OR5K1: variants seen among roughly 807,000 people sequenced by gnomAD.
OR5K1 encodes olfactory receptor family 5 subfamily K member 1, also known as olfactory receptor 5K1.
In OR5K1, 7 loss-of-function variants were observed where a neutral mutation model predicts 10.4. That is an observed-to-expected ratio of 0.67 (90% CI 0.38 to 1.26). The LOEUF is 1.26. OR5K1 is among the 50% of genes most tolerant of loss of function. The probability of loss-of-function intolerance (pLI) is 0.02; values close to 1 mark genes in which losing one functional copy is unlikely to be tolerated. For synonymous variants in OR5K1, 135 were observed against 128.5 expected, an observed-to-expected ratio of 1.05 and a Z score of -0.34; for missense variants, 435 against 366.2, an observed-to-expected ratio of 1.19 and a Z score of -1.53.
At chr3:98,466,074 G>A (rs1434978798) in intron 1 of OR5K1, among the ~76,000 whole-genome samples, 1 of 151,538 alleles carries the variant, frequency 6.6e-6, no homozygotes, top group Non-Finnish European at 1.5e-5. Flanking sequence ...ACAGTCCCCA[G>A]AGTGTGATAT....
intron 1 of OR5K1, among the ~76,000 whole-genome samples, chr3:98,465,844 G>A (rs564916317): frequency 1.3e-5 from 2 of 150,920 alleles, no homozygotes; most frequent in South Asian, 4.2e-4. Context: ...TTTGTTTGAT[G>A]CTTAATTTTT....
rs769111802 is a variant in OR5K1 at position 98,469,676 on chromosome 3, A to G, written c.100A>G (p.Ile34Val). The change falls in exon 2 of 2, where the codon ATC becomes GTC. Residue 34 changes from isoleucine to valine, a missense_variant. Ile to Val is a conservative substitution (Grantham distance 29, BLOSUM62 3). Transcript: ENST00000642057. ...TCTGCTGTTTGTGGTGTTCTTTGCC[A>G]TCTATCTGATCACCGTGGTGGGGAA... The part of the protein sequence containing the change: ...KTLLFVVFFA[I>V]YLITVVGNIS... 1 of 1,613,696 alleles carries G rather than the reference A, an allele frequency of 6.2e-7. No homozygotes were observed. The highest frequency in any genetic ancestry group is 1.1e-5 in the South Asian group (1 of 91,066).
At position 98,471,172 on chromosome 3, in the gene OR5K1, T is replaced by C. The variant is rs1364027926; in HGVS notation, c.*669T>C. On this transcript the variant is annotated 3_prime_UTR_variant, in exon 2 of 2. Coordinates refer to ENST00000642057, the MANE Select transcript of OR5K1 (RefSeq NM_001004736.4). ...GTCAAGCTACATTAAGAGAGTTTTA[T>C]CTACTCCCATATCTACCTGCATAAA... is the stretch of plus-strand genomic sequence containing the variant. 6.6e-6 allele frequency: 1 copy of C among 152,020 alleles called. No homozygotes were observed. The highest frequency in any genetic ancestry group is 6.6e-5 in the Admixed American group (1 of 15,230). The allele number at this position is 152,020 out of a possible 1,614,324, so 9.4% of individuals were successfully genotyped here.
In OR5K1 at chr3:98,470,054, G is replaced by A. The variant is rs1425484872; in HGVS notation, c.478G>A (p.Val160Ile). ...IAGNLHSMIH[V>I]GLVFRLVFCG... ...TGGAAACCTGCATTCCATGATTCAT[G>A]TAGGGCTTGTATTTAGGTTAGTTTT... Residue 160 changes from valine (V) to isoleucine (I), a missense_variant, in exon 2 of 2, where the codon GTA becomes ATA. Physicochemically the swap from Val to Ile is conservative, Grantham distance 29. Coordinates refer to ENST00000642057, the MANE Select transcript of OR5K1 (RefSeq NM_001004736.4). 1.9e-6 allele frequency: 3 copies of A among 1,613,500 alleles called. No homozygotes were observed. Among genetic ancestry groups the A allele is most frequent in the African/African-American group, 2.7e-5 (2 of 74,862 alleles).
intron 1 of OR5K1, among the ~76,000 whole-genome samples, chr3:98,465,841 G>A (rs1338790790): frequency 6.6e-6 from 1 of 151,180 alleles, no homozygotes; most frequent in Non-Finnish European, 1.5e-5. Flanking sequence ...GTTTTTGTTT[G>A]ATGCTTAATT....
At position 98,469,754 on chromosome 3, in the gene OR5K1, T is replaced by C. The variant is rs1292763653; in HGVS notation, c.178T>C (p.Tyr60His). The C allele has an allele frequency of 1.2e-6, 2 of 1,613,722 alleles. No individual in the cohort carries two copies. The highest frequency in any genetic ancestry group is 1.7e-6 in the Non-Finnish European group (2 of 1,179,832). The change falls in exon 2 of 2, where the codon TAC (tyrosine) becomes CAC (histidine). Residue 60 changes from tyrosine (Y) to histidine (H), a missense_variant. By Grantham distance (83) the Tyr-to-His change is moderately conservative. Transcript: ENST00000642057. ...ACACCGTCGGCTTCACACACCAATG[T>C]ACATCTTTCTGGGAAATCTGGCTCT... ...FTHRRLHTPM[Y>H]IFLGNLALVD...
At chr3:98,468,277 T>A (rs1705398818) in intron 1 of OR5K1, among the ~76,000 whole-genome samples, 1 of 152,100 alleles carries the variant, frequency 6.6e-6, no homozygotes. Flanking sequence ...AGATAGTTAA[T>A]TACTAAGAAT....
chr3:98,465,901 AT>A (rs1705368628), intron 1 of OR5K1, among the ~76,000 whole-genome samples: 69 of 147,592 alleles, frequency 4.7e-4, no homozygotes, highest in African/African-American at 1.5e-3. Context: ...TTTTTTTTTA[AT>A]TTTTTTTTAT....
intron 1 of OR5K1, among the ~76,000 whole-genome samples, chr3:98,463,896 G>A (rs1477197815): frequency 6.6e-6 from 1 of 152,092 alleles, no homozygotes; most frequent in Non-Finnish European, 1.5e-5. Context: ...GCAAGGGCAA[G>A]GCAGTTAATG....
rs774042861 is a variant in OR5K1 at position 98,471,684 on chromosome 3, C to T, written c.*1181C>T. On this transcript the variant is annotated 3_prime_UTR_variant, in exon 2 of 2. Coordinates refer to ENST00000642057, the MANE Select transcript of OR5K1 (RefSeq NM_001004736.4). ...TGTCACATAATAGAAAAACATCTCC[C>T]TTCCACCTCTTGCTCTGAGGACCTG... 2.0e-5 allele frequency: 3 copies of T among 151,908 alleles called. No individual in the cohort carries two copies. The highest frequency in any genetic ancestry group is 4.4e-5 in the Non-Finnish European group (3 of 67,920). 9.4% of individuals were successfully genotyped at this position (151,908 alleles called of 1,614,324 possible). A position where few individuals can be genotyped will look rare whatever the true frequency, so the allele number is the denominator to read the frequency against.
At chr3:98,463,383 G>A (rs1376577858) in intron 1 of OR5K1, 76 bp downstream of exon 1, 2 of 151,998 alleles carry the variant, frequency 1.3e-5, no homozygotes, top group Non-Finnish European at 2.9e-5. Flanking sequence ...AGTTATTTAA[G>A]GTTTTTTTCT....
chr3:98,464,857 G>A (rs1252043095), intron 1 of OR5K1, among the ~76,000 whole-genome samples: 1 of 152,154 alleles, frequency 6.6e-6, no homozygotes, highest in Non-Finnish European at 1.5e-5. Context: ...AACTGGTGAT[G>A]CCATTATCAT....
chr3:98,470,124 C>T lies in OR5K1; in HGVS notation c.548C>T (p.Pro183Leu). ...HINHFYCDIL[P>L]LYRLSCVDPY... is the part of the protein sequence containing the mutation. ...AACCACTTTTACTGTGATATTCTTCCCTTGTATAGACTCTCTTGTGTTGAT... is the reference window on the plus strand; with the variant it reads ...AACCACTTTTACTGTGATATTCTTCTCTTGTATAGACTCTCTTGTGTTGAT... Residue 183 changes from proline to leucine, a missense_variant, in exon 2 of 2, where the codon CCC (proline) becomes CTC (leucine). By Grantham distance (98) the Pro-to-Leu change is moderately conservative. Transcript: ENST00000642057. 2 of 1,613,552 alleles carry T rather than the reference C, an allele frequency of 1.2e-6. No individual in the cohort carries two copies. The highest frequency in any genetic ancestry group is 1.1e-5 in the South Asian group (1 of 91,078).
chr3:98,470,168 G>C lies in OR5K1; in HGVS notation c.592G>C (p.Val198Leu), dbSNP rs139481579. ...SCVDPYINELVLFIFSGSVQV... is the reference protein window; with the variant it reads ...SCVDPYINELLLFIFSGSVQV... ...TGTTGATCCTTATATCAATGAACTG[G>C]TTCTATTCATCTTCTCAGGTTCAGT... Residue 198 changes from valine (V) to leucine (L), a missense_variant, in exon 2 of 2, where the codon GTT becomes CTT. Physicochemically the swap from Val to Leu is conservative, Grantham distance 32. Transcript: ENST00000642057. 2,192 of 1,613,204 alleles carry C rather than the reference G, an allele frequency of 1.4e-3. 1 individual carries two copies. The highest frequency in any genetic ancestry group is 1.7e-3 in the Non-Finnish European group (1,949 of 1,179,482).
rs1705435425 is a variant in OR5K1 at position 98,470,494 on chromosome 3, G to A, written c.918G>A (p.Met306Ile). Residue 306 changes from methionine (M) to isoleucine (I), a missense_variant, in exon 2 of 2, where the codon ATG (methionine) becomes ATA (isoleucine). Transcript: ENST00000642057. ...TAAGTGTCTTAAGAAAAATTCTGATGAAGAAATAATCTCAAGAAAGATGGA... is the reference window on the plus strand; with the variant it reads ...TAAGTGTCTTAAGAAAAATTCTGATAAAGAAATAATCTCAAGAAAGATGGA... ...EVISVLRKIL[M>I]KK is the part of the protein sequence containing the mutation. 6.5e-7 allele frequency: 1 copy of A among 1,538,042 alleles called. No individual in the cohort carries two copies. Among genetic ancestry groups the A allele is most frequent in the African/African-American group, 1.4e-5 (1 of 72,442 alleles).
At chr3:98,463,846 G>T (rs1705339429) in intron 1 of OR5K1, among the ~76,000 whole-genome samples, 1 of 152,128 alleles carries the variant, frequency 6.6e-6, no homozygotes, top group Non-Finnish European at 1.5e-5. Context: ...GGACAACTGG[G>T]TGAACTGAAG....
intron 1 of OR5K1, among the ~76,000 whole-genome samples, chr3:98,465,705 G>T (rs1255465283): frequency 6.6e-6 from 1 of 151,630 alleles, no homozygotes; most frequent in Non-Finnish European, 1.5e-5. Flanking sequence ...TTTTTAATTT[G>T]TAAAAAATTA....
intron 1 of OR5K1, among the ~76,000 whole-genome samples, chr3:98,469,125 C>A (rs1201405965): frequency 6.6e-6 from 1 of 152,002 alleles, no homozygotes; most frequent in East Asian, 1.9e-4. Flanking sequence ...AGATCATGTC[C>A]TTTGTAGCAA....
At position 98,469,555 on chromosome 3, in the gene OR5K1, T is replaced by A. The variant is rs1705415365; in HGVS notation, c.-11-11T>A. 6.3e-7 allele frequency: 1 copy of A among 1,585,422 alleles called. No individual in the cohort carries two copies. The highest frequency in any genetic ancestry group is 1.1e-5 in the South Asian group (1 of 87,290). ...AAATTAGTGCCTTCTTTCTCCACAA[T>A]TTTTTTTCAGACAAGTCAGGAATGG... On this transcript the variant is annotated splice_polypyrimidine_tract_variant and intron_variant, in intron 1 of 1. Coordinates refer to ENST00000642057, the MANE Select transcript of OR5K1 (RefSeq NM_001004736.4).
Sources: gnomAD v4.1 joint callset for allele counts (sites outside exome capture counted in the v4.1 genomes callset) on GRCh38, gnomAD v4.1.1 for gene constraint, MANE v1.5 for transcripts, NCBI Gene and HGNC (gene_info 2026-07-23, HGNC 2026-07-21) for gene names.